VIPR2: variants seen among roughly 807,000 people sequenced by gnomAD.
The protein encoded by VIPR2 is vasoactive intestinal peptide receptor 2, also known as vasoactive intestinal polypeptide receptor 2.
Under a neutral mutation model 58.0 loss-of-function variants are expected in VIPR2, and 48 were observed. That is an observed-to-expected ratio of 0.83 (90% CI 0.66 to 1.05). The LOEUF is 1.05. Among genes scored for constraint, VIPR2 ranks in the 50% least tolerant of loss-of-function variants. VIPR2 has a pLI of 0.00. For synonymous variants in VIPR2, 243 were observed against 235.2 expected, an observed-to-expected ratio of 1.03 and a Z score of -0.30; for missense variants, 534 against 558.0, an observed-to-expected ratio of 0.96 and a Z score of 0.43.
chr7:159,086,051 C>T (rs2129495105), intron 4 of VIPR2, among the ~76,000 whole-genome samples: 2 of 152,324 alleles, frequency 1.3e-5, no homozygotes, highest in Non-Finnish European at 2.9e-5. Flanking sequence ...TCAGTTGTAA[C>T]AAGTGCACCA....
At chr7:159,109,949 T>C (rs1795926628) in intron 2 of VIPR2, 30 bp from the exon 3 acceptor site, 1 of 1,607,008 alleles carries the variant, frequency 6.2e-7, no homozygotes, top group Admixed American at 1.7e-5. Context: ...GTGAGGCAGG[T>C]GCAAGGTGAC....
intron 6 of VIPR2, among the ~76,000 whole-genome samples, chr7:159,037,280 C>A (rs1421052041): frequency 2.6e-5 from 4 of 152,234 alleles, no homozygotes; most frequent in Non-Finnish European, 4.4e-5. Context: ...AACACGGGAA[C>A]CCCCGCAGTG....
chr7:159,063,470 C>T (rs1442753669), intron 4 of VIPR2, among the ~76,000 whole-genome samples: 1 of 151,930 alleles, frequency 6.6e-6, no homozygotes, highest in Non-Finnish European at 1.5e-5. Context: ...TGCGCTGGCC[C>T]GCAAGGGCCG....
chr7:159,142,369 C>T, intron 2 of VIPR2, 77 bp downstream of exon 2: 1 of 1,119,270 alleles, frequency 8.9e-7, no homozygotes, highest in Non-Finnish European at 1.3e-6. Context: ...GGTGGTGACC[C>T]TGAACCACAG....
In VIPR2 at chr7:159,069,204, G is replaced by A. The variant is rs555129853; in HGVS notation, c.358-10626C>T. ...AGCAACTGTGCTCAGGGCTCATGGG[G>A]GCCTTTCTCCCTGCTCACTTTTTCT... is the stretch of plus-strand genomic sequence containing the variant. On this transcript the variant is annotated intron_variant, in intron 4 of 12. Transcript: ENST00000262178. Among the ~76,000 whole-genome samples the A allele has an allele frequency of 3.9e-5, 6 of 152,222 alleles. No individual in the cohort carries two copies. The East Asian group carries it at 9.7e-4, about 25-fold the overall frequency.
At chr7:159,047,756 A>G (rs1319619744) in intron 5 of VIPR2, among the ~76,000 whole-genome samples, 2 of 152,232 alleles carry the variant, frequency 1.3e-5, no homozygotes, top group South Asian at 2.1e-4. Context: ...CAACACCTGA[A>G]AGAAACAAGA....
chr7:159,119,652 G>A (rs551779914), intron 2 of VIPR2, among the ~76,000 whole-genome samples: 2 of 152,338 alleles, frequency 1.3e-5, no homozygotes, highest in Admixed American at 6.5e-5. Flanking sequence ...TGTAGTGCCC[G>A]AGGTGAAGCA....
chr7:159,142,808 C>T (rs147303348), intron 1 of VIPR2, among the ~76,000 whole-genome samples: 1 of 152,078 alleles, frequency 6.6e-6, no homozygotes, highest in African/African-American at 2.4e-5. Flanking sequence ...CAGAATACAT[C>T]GGTACTAATT....
In VIPR2 at chr7:159,140,217, G is replaced by A. The variant is rs150062291; in HGVS notation, c.151+2229C>T. Among the ~76,000 whole-genome samples the A allele has an allele frequency of 1.8e-3, 266 of 151,520 alleles. 1 individual carries two copies. The highest frequency in any genetic ancestry group is 0.01 in the Middle Eastern group (3 of 294). On this transcript the variant is annotated intron_variant, in intron 2 of 12. Coordinates refer to ENST00000262178, the MANE Select transcript of VIPR2 (RefSeq NM_003382.5). The stretch of plus-strand genomic sequence containing the variant: ...ACTCTTTCACACAAATTTCTTAATC[G>A]TATGGATTTAAAAGTGGCTGTAACA...
At chr7:159,101,027 T>C (rs1003531353) in intron 4 of VIPR2, among the ~76,000 whole-genome samples, 2 of 148,538 alleles carry the variant, frequency 1.3e-5, no homozygotes, top group South Asian at 2.2e-4. Flanking sequence ...CCCGTGGTAG[T>C]GAACTGGTCT....
chr7:159,096,903 C>T lies in VIPR2; in HGVS notation c.357+6854G>A, dbSNP rs199513427. ...CTCTCTGTGGCCGCCTTGCTGTCCC[C>T]GTTCCCATCACTCGATGAGCCAATG... On this transcript the variant is annotated intron_variant, in intron 4 of 12. Coordinates refer to ENST00000262178, the MANE Select transcript of VIPR2 (RefSeq NM_003382.5). The surrounding 1 kb of genome is among the most constrained non-coding windows in gnomAD (Gnocchi z 5.5). 76 of 1,550,538 alleles carry T rather than the reference C, an allele frequency of 4.9e-5. No homozygotes were observed. The highest frequency in any genetic ancestry group is 6.8e-5 in the African/African-American group (5 of 73,050).
chr7:159,043,636 C>T (rs1023286543), intron 5 of VIPR2, among the ~76,000 whole-genome samples: 3 of 152,180 alleles, frequency 2.0e-5, no homozygotes, highest in Admixed American at 6.5e-5. Flanking sequence ...TTTAGCTCAC[C>T]CTTTTCCACC....
intron 2 of VIPR2, among the ~76,000 whole-genome samples, chr7:159,115,776 T>G (rs117025557): frequency 0.014 from 2,120 of 152,366 alleles, 32 homozygotes; most frequent in Admixed American, 0.034. Context: ...ATGGAGGAAC[T>G]CAGGCTGGCA....
chr7:159,133,031 C>CATACCGATTGATTTGAGA (rs1488940713), intron 2 of VIPR2, among the ~76,000 whole-genome samples: 9 of 104,236 alleles, frequency 8.6e-5, no homozygotes, highest in Non-Finnish European at 1.2e-4. Context: ...CAGAATGATT[C>CATACCGATTGATTTGAGA]CAAAAATGCA....
intron 5 of VIPR2, among the ~76,000 whole-genome samples, chr7:159,043,471 C>G (rs1197404306): frequency 6.6e-6 from 1 of 152,156 alleles, no homozygotes; most frequent in African/African-American, 2.4e-5. Context: ...AATTAAAAAA[C>G]TGTTAAAATC....
At chr7:159,124,647 A>C (rs541071245) in intron 2 of VIPR2, among the ~76,000 whole-genome samples, 19 of 152,270 alleles carry the variant, frequency 1.2e-4, no homozygotes, top group Non-Finnish European at 2.6e-4. Context: ...GTTCCATATG[A>C]ATTTTAAAAT....
intron 1 of VIPR2, 72 bp downstream of exon 1, chr7:159,144,649 G>A: frequency 7.3e-7 from 1 of 1,376,010 alleles, no homozygotes; most frequent in East Asian, 3.0e-5. Flanking sequence ...AGACCGGCGG[G>A]AGGAGCGCTC....
At chr7:159,139,928 T>G (rs1185033711) in intron 2 of VIPR2, among the ~76,000 whole-genome samples, 1 of 152,262 alleles carries the variant, frequency 6.6e-6, no homozygotes, top group East Asian at 1.9e-4. Context: ...CGGGAGTGCC[T>G]CATACACATA....
intron 4 of VIPR2, among the ~76,000 whole-genome samples, chr7:159,079,455 G>A (rs1163199233): frequency 2.0e-5 from 3 of 151,912 alleles, no homozygotes; most frequent in African/African-American, 4.8e-5. Context: ...AGAATCTCTG[G>A]GACACATTCA....
Sources: allele counts gnomAD v4.1 joint callset (sites outside exome capture counted in the v4.1 genomes callset), GRCh38; gene constraint gnomAD v4.1.1; non-coding constraint Gnocchi (gnomAD v3.1); transcripts MANE v1.5; gene names NCBI Gene and HGNC (gene_info 2026-07-23, HGNC 2026-07-21).